The following RALGAPA1 variants were observed in gnomAD, a reference collection of about 807,000 sequenced individuals.
The protein encoded by RALGAPA1 is Ral GTPase activating protein catalytic subunit alpha 1.
A neutral mutation model predicts 269.6 loss-of-function variants in RALGAPA1; 52 were observed. The observed-to-expected ratio is 0.19, with a 90% CI of 0.15 to 0.24. The LOEUF (loss-of-function observed/expected upper bound fraction) is 0.24. Ranked by LOEUF, RALGAPA1 falls within the 10% of genes least tolerant of loss-of-function variation. The pLI is 1.00. For synonymous variants in RALGAPA1, 817 were observed against 1,008.3 expected (o/e 0.81, Z 3.60); for missense variants, 1,917 against 3,013.9 (o/e 0.64, Z 8.52).
intron 37 of RALGAPA1, among the ~76,000 whole-genome samples, chr14:35,578,962 AACAAGGTAAACTT>A (rs1182048478): frequency 6.6e-6 from 1 of 152,240 alleles, no homozygotes; most frequent in East Asian, 1.9e-4. Context: ...TACAAAAATA[AACAAGGTAAACTT>A]ACATGCTGAT....
At position 35,665,586 on chromosome 14, in the gene RALGAPA1, A is replaced by C. The variant is rs551857177; in HGVS notation, c.5203-819T>G. On this transcript the variant is annotated intron_variant, in intron 26 of 41. Coordinates refer to ENST00000680220, the MANE Select transcript of RALGAPA1 (RefSeq NM_001346249.2). ...CACATCTGAATAAATACTGTAATAG[A>C]GGCAATGGTGTAATACTCTATTATA... Among the ~76,000 whole-genome samples the C allele has an allele frequency of 1.1e-4, 16 of 152,344 alleles. No individual in the cohort carries two copies. The East Asian group carries it at 2.7e-3, about 26-fold the overall frequency.
At chr14:35,548,568 T>C in intron 40 of RALGAPA1, 30 bp from the exon 41 acceptor site, 4 of 1,477,794 alleles carry the variant, frequency 2.7e-6, no homozygotes, top group Non-Finnish European at 3.7e-6. Context: ...GAAACAATCA[T>C]AAGGAGAGCA....
At chr14:35,595,582 T>G (rs1338045278) in intron 37 of RALGAPA1, 52 bp downstream of exon 37, 1 of 1,483,954 alleles carries the variant, frequency 6.7e-7, no homozygotes, top group Admixed American at 1.7e-5. Context: ...TTTTCTGTAT[T>G]AACTGTCTCA....
chr14:35,689,686 C>T lies in RALGAPA1; in HGVS notation c.2725G>A (p.Asp909Asn). 1 of 1,368,288 alleles carries T rather than the reference C, an allele frequency of 7.3e-7. No individual in the cohort carries two copies. The highest frequency in any genetic ancestry group is 9.4e-7 in the Non-Finnish European group (1 of 1,061,864). The allele number at this position is 1,368,288 out of a possible 1,614,324, so 84.8% of individuals were successfully genotyped here. Residue 909 changes from aspartate to asparagine, a missense_variant, in exon 18 of 42, where the codon GAC becomes AAC. Physicochemically the swap from Asp to Asn is conservative, Grantham distance 23. Transcript: ENST00000680220. ...SSLEVGDSIY[D>N]HLCHLIGPVE... ...GGACCTATTAAATGACAAAGATGGT[C>T]ATATATGCTATCACCAACTTCCAGA...
intron 5 of RALGAPA1, among the ~76,000 whole-genome samples, chr14:35,761,803 T>C (rs2073728187): frequency 1.3e-5 from 2 of 152,350 alleles, no homozygotes; most frequent in Middle Eastern, 3.4e-3. Context: ...AGCTTGTTCA[T>C]GGCCACTGTC....
At chr14:35,611,313 C>A (rs1181899455) in intron 35 of RALGAPA1, among the ~76,000 whole-genome samples, 1 of 151,934 alleles carries the variant, frequency 6.6e-6, no homozygotes, top group South Asian at 2.1e-4. Context: ...ACCATTCTGG[C>A]CAACATGGTG....
Position 35,674,550 on chromosome 14 carries a change from T to C in RALGAPA1, c.4784A>G (p.Asp1595Gly), listed in dbSNP as rs749148676. 7 of 1,609,106 alleles carry C rather than the reference T, an allele frequency of 4.4e-6. No individual in the cohort carries two copies. In the Middle Eastern group the frequency reaches 5.0e-4, roughly 114 times the overall value. ...ATTCTGCCAAAGTTCACAGAGGTAA[T>C]CAAAAACTTGAGCATGTATTTCAGG... The part of the protein sequence containing the change: ...MDPEIHAQVF[D>G]YLCELWQNLA... Residue 1595 changes from aspartate (D) to glycine (G), a missense_variant, in exon 23 of 42, where the codon GAT becomes GGT. Transcript: ENST00000680220.
intron 35 of RALGAPA1, among the ~76,000 whole-genome samples, chr14:35,624,332 A>G (rs1009990373): frequency 3.3e-5 from 5 of 152,020 alleles, no homozygotes; most frequent in African/African-American, 1.2e-4. Flanking sequence ...CAACAACCAA[A>G]ACCAGTTAGA....
At chr14:35,724,913 T>C in intron 14 of RALGAPA1, 111 bp downstream of exon 14, 1 of 842,542 alleles carries the variant, frequency 1.2e-6, no homozygotes. Flanking sequence ...AACTTTTTTT[T>C]CTGGTAACAA....
At chr14:35,655,555 T>C (rs2063123889) in intron 29 of RALGAPA1, among the ~76,000 whole-genome samples, 1 of 152,040 alleles carries the variant, frequency 6.6e-6, no homozygotes, top group South Asian at 2.1e-4. Context: ...CTTTTTTAGA[T>C]GTCTACCATA....
intron 35 of RALGAPA1, among the ~76,000 whole-genome samples, chr14:35,616,152 G>A (rs1409320172): frequency 6.6e-6 from 1 of 152,088 alleles, no homozygotes; most frequent in Non-Finnish European, 1.5e-5. Flanking sequence ...GGTCAAATTT[G>A]GGTAACTCTG....
At chr14:35,792,411 C>T (rs1231615984) in intron 1 of RALGAPA1, among the ~76,000 whole-genome samples, 1 of 152,070 alleles carries the variant, frequency 6.6e-6, no homozygotes, top group African/African-American at 2.4e-5. Context: ...CCCGCCTCAG[C>T]CTCTCAAAGT....
intron 41 of RALGAPA1, among the ~76,000 whole-genome samples, 162 bp downstream of exon 41, chr14:35,548,346 A>G (rs751152755): frequency 1.3e-5 from 2 of 152,144 alleles, no homozygotes; most frequent in Non-Finnish European, 2.9e-5. Context: ...GTTAGTCAGT[A>G]TAATACTGGA....
Position 35,630,230 on chromosome 14 carries a change from C to T in RALGAPA1, c.5996-2279G>A, listed in dbSNP as rs550698851. Among the ~76,000 whole-genome samples the T allele has an allele frequency of 5.9e-5, 9 of 152,056 alleles. No homozygotes were observed. In the South Asian group the frequency reaches 1.7e-3, roughly 28 times the overall value. ...TGCTGAGTATCAAAATTTTAATTTC[C>T]CATTATCAGCCAAGTTATGTCTACA... On this transcript the variant is annotated intron_variant, in intron 33 of 41. Coordinates refer to ENST00000680220, the MANE Select transcript of RALGAPA1 (RefSeq NM_001346249.2).
In RALGAPA1 at chr14:35,723,422, A is replaced by G. The variant is rs183722021; in HGVS notation, c.1867-158T>C. ...TACTACTTGTAAAAGCAATTCATGC[A>G]ATCATTAGAATCTACTATAAATTTC... On this transcript the variant is annotated intron_variant, in intron 14 of 41. Coordinates refer to ENST00000680220, the MANE Select transcript of RALGAPA1 (RefSeq NM_001346249.2). 125 of 496,332 alleles carry G rather than the reference A, an allele frequency of 2.5e-4. No homozygotes were observed. In the East Asian group the frequency reaches 3.7e-3, roughly 15 times the overall value. 30.7% of individuals were successfully genotyped at this position (496,332 alleles called of 1,614,324 possible).
intron 31 of RALGAPA1, among the ~76,000 whole-genome samples, chr14:35,648,740 G>A (rs1200879639): frequency 6.6e-6 from 1 of 152,136 alleles, no homozygotes; most frequent in Non-Finnish European, 1.5e-5. Context: ...GGAGGTTGCA[G>A]TGAGTCTAGA....
At chr14:35,778,623 A>G (rs530844903) in intron 1 of RALGAPA1, among the ~76,000 whole-genome samples, 1 of 152,338 alleles carries the variant, frequency 6.6e-6, no homozygotes, top group South Asian at 2.1e-4. Context: ...TTTTATTACT[A>G]ACAAAATTAA....
chr14:35,601,473 G>A (rs1164391805), intron 36 of RALGAPA1, among the ~76,000 whole-genome samples: 1 of 152,146 alleles, frequency 6.6e-6, no homozygotes, highest in African/African-American at 2.4e-5. Context: ...ATGGGGTCAA[G>A]GAATTGTCTG....
chr14:35,768,157 T>G lies in RALGAPA1; in HGVS notation c.325+2785A>C, dbSNP rs550923028. Among the ~76,000 whole-genome samples, 8 of 152,180 alleles carry G rather than the reference T, an allele frequency of 5.3e-5. No homozygotes were observed. In the South Asian group the frequency reaches 1.5e-3, roughly 28 times the overall value. On this transcript the variant is annotated intron_variant, in intron 4 of 41. Coordinates refer to ENST00000680220, the MANE Select transcript of RALGAPA1 (RefSeq NM_001346249.2). ...GTGTGATCACAGCTTACTGCACCCTTGAATTTCTGGACTTAAGTGATCCTC... is the reference window on the plus strand; with the variant it reads ...GTGTGATCACAGCTTACTGCACCCTGGAATTTCTGGACTTAAGTGATCCTC...
Sources: gnomAD v4.1 joint callset for allele counts (sites outside exome capture counted in the v4.1 genomes callset) on GRCh38, gnomAD v4.1.1 for gene constraint, MANE v1.5 for transcripts, NCBI Gene and HGNC (gene_info 2026-07-23, HGNC 2026-07-21) for gene names.